The following PCDHA9 variants were observed in gnomAD, a reference collection of about 807,000 sequenced individuals.
PCDHA9 encodes protocadherin alpha-9.
PCDHA9 carries 62 observed loss-of-function variants against 62.0 expected under a neutral mutation model. That is an observed-to-expected ratio of 1.00 (90% CI 0.81 to 1.23). The LOEUF is 1.23. Among genes scored for constraint, PCDHA9 ranks in the 50% most tolerant of loss-of-function variants. The pLI is 0.00. For synonymous variants in PCDHA9, 557 were observed against 567.6 expected, an observed-to-expected ratio of 0.98 and a Z score of 0.27; for missense variants, 1,205 against 1,249.8, an observed-to-expected ratio of 0.96 and a Z score of 0.54.
rs782568790 is a variant in PCDHA9 at position 140,856,315 on chromosome 5, T to C, written c.2394+5426T>C. On this transcript the variant is annotated intron_variant, in intron 1 of 3. Transcript: ENST00000532602. ...GCATTTTGTTTGTGAATTCTCGGAT[T>C]GACCGCGAGGAGCTGTGCGGGCGGA... 131 of 1,598,516 alleles carry C rather than the reference T, an allele frequency of 8.2e-5. 15 individuals are homozygous for C. The highest frequency in any genetic ancestry group is 1.9e-4 in the Admixed American group (11 of 59,298).
At chr5:140,884,416 G>A (rs1035372416) in intron 1 of PCDHA9, 22 of 1,613,888 alleles carry the variant, frequency 1.4e-5, no homozygotes, top group Non-Finnish European at 1.7e-5. Context: ...TCACGTTGCT[G>A]CTGTATACTG....
At chr5:140,861,430 A>C in intron 1 of PCDHA9, 1 of 488,226 alleles carries the variant, frequency 2.0e-6, no homozygotes, top group Admixed American at 2.1e-5. Context: ...TTTCAGTTGG[A>C]TTCCAAAAGC....
chr5:140,865,755 A>C (rs1390578535), intron 1 of PCDHA9: 1 of 152,226 alleles, frequency 6.6e-6, no homozygotes, highest in Non-Finnish European at 1.5e-5. Flanking sequence ...GTGCCAGTAC[A>C]TGGTGGAGAT....
intron 1 of PCDHA9, chr5:140,864,749 C>T (rs544244056): frequency 6.6e-6 from 1 of 152,178 alleles, no homozygotes; most frequent in East Asian, 1.9e-4. Context: ...ACCGATTATA[C>T]TCATTTTTCT....
intron 1 of PCDHA9, chr5:140,857,033 A>G (rs1303154996): frequency 4.4e-6 from 7 of 1,595,572 alleles, no homozygotes; most frequent in South Asian, 1.1e-5. Flanking sequence ...AAACCCACCT[A>G]TGGTTGGTCA....
chr5:140,953,536 A>G (rs2094900021), intron 1 of PCDHA9, among the ~76,000 whole-genome samples: 1 of 152,124 alleles, frequency 6.6e-6, no homozygotes, highest in Non-Finnish European at 1.5e-5. Flanking sequence ...AACTCACTTC[A>G]TGCTGATTCT....
intron 3 of PCDHA9, chr5:140,989,000 GAGACTTATTAT>G (rs2097324899): frequency 6.6e-6 from 1 of 152,202 alleles, no homozygotes; most frequent in Non-Finnish European, 1.5e-5. Flanking sequence ...TAAGGAAATA[GAGACTTATTAT>G]AGTTTCTTCA....
At chr5:140,974,377 A>G (rs1356669539) in intron 1 of PCDHA9, among the ~76,000 whole-genome samples, 1 of 152,190 alleles carries the variant, frequency 6.6e-6, no homozygotes, top group Non-Finnish European at 1.5e-5. Flanking sequence ...TTTCTGTTGT[A>G]CTGGAACCCA....
In PCDHA9 at chr5:140,852,849, T is replaced by G. The variant is rs1421796229; in HGVS notation, c.2394+1960T>G. Reference sequence around the variant, plus strand: ...CAGTCTCCTTAGAGCTAGTACTTACTAAGCATTTACTATGTCATCAATAAT... The same window carrying G: ...CAGTCTCCTTAGAGCTAGTACTTACGAAGCATTTACTATGTCATCAATAAT... On this transcript the variant is annotated intron_variant, in intron 1 of 3. Transcript: ENST00000532602. 3.1e-6 allele frequency: 3 copies of G among 967,454 alleles called. 1 individual carries two copies. Among genetic ancestry groups the G allele is most frequent in the East Asian group, 1.1e-4 (1 of 8,764 alleles). 59.9% of individuals were successfully genotyped at this position (967,454 alleles called of 1,614,324 possible).
chr5:140,997,221 T>C (rs2097763900), intron 3 of PCDHA9, among the ~76,000 whole-genome samples: 1 of 152,152 alleles, frequency 6.6e-6, no homozygotes, highest in Admixed American at 6.5e-5. Context: ...GAAACTATCA[T>C]TACCACCCAA....
At chr5:140,857,656 G>A (rs1269090821) in intron 1 of PCDHA9, 4 of 1,596,690 alleles carry the variant, frequency 2.5e-6, no homozygotes, top group Admixed American at 3.4e-5. Flanking sequence ...AGGTGAGCGC[G>A]CGCGATGGGG....
At chr5:140,974,808 G>A (rs1229375180) in intron 1 of PCDHA9, among the ~76,000 whole-genome samples, 1 of 152,090 alleles carries the variant, frequency 6.6e-6, no homozygotes, top group Non-Finnish European at 1.5e-5. Context: ...TATACTAGAA[G>A]ACCAATATGC....
chr5:140,877,411 C>T (rs781874450), intron 1 of PCDHA9: 75 of 1,613,818 alleles, frequency 4.6e-5, no homozygotes, highest in Non-Finnish European at 6.0e-5. Context: ...GCGCCACCGC[C>T]TGCTGGTGCT....
rs557419543 is a variant in PCDHA9, at chr5:140,854,019, G to A, written c.2394+3130G>A. On this transcript the variant is annotated intron_variant, in intron 1 of 3. Transcript: ENST00000532602. ...CTCTGCCAAAAAAAAAAAATTAGCCGGGCATGGTGGCACACATCTCTAGTC... is the reference window on the plus strand; with the variant it reads ...CTCTGCCAAAAAAAAAAAATTAGCCAGGCATGGTGGCACACATCTCTAGTC... 8.1e-5 allele frequency: 27 copies of A among 335,108 alleles called. No homozygotes were observed. In the South Asian group the frequency reaches 3.3e-3, roughly 41 times the overall value. 20.8% of individuals were successfully genotyped at this position (335,108 alleles called of 1,614,324 possible). A position where few individuals can be genotyped will look rare whatever the true frequency, so the allele number is the denominator to read the frequency against.
At chr5:140,987,232 A>G (rs1554248942) in intron 3 of PCDHA9, among the ~76,000 whole-genome samples, 1 of 151,894 alleles carries the variant, frequency 6.6e-6, no homozygotes, top group African/African-American at 2.4e-5. Flanking sequence ...AAAAAATAAT[A>G]AATAAAGAAA....
At chr5:140,904,818 G>A (rs1186696681) in intron 1 of PCDHA9, among the ~76,000 whole-genome samples, 1 of 152,070 alleles carries the variant, frequency 6.6e-6, no homozygotes, top group Non-Finnish European at 1.5e-5. Flanking sequence ...GTGATGTTGA[G>A]CATTTTTTTA....
intron 1 of PCDHA9, among the ~76,000 whole-genome samples, chr5:140,886,605 A>C (rs998772471): frequency 2.6e-5 from 4 of 152,108 alleles, no homozygotes; most frequent in Admixed American, 6.5e-5. Flanking sequence ...AGGTGGGCGG[A>C]TCAGGAGATC....
In PCDHA9 at chr5:140,927,334, G is replaced by A. The variant is rs201745433; in HGVS notation, c.2395-51615G>A. The A allele has an allele frequency of 4.6e-5, 74 of 1,614,180 alleles. No individual in the cohort carries two copies. Among genetic ancestry groups the A allele is most frequent in the Non-Finnish European group, 5.9e-5 (70 of 1,180,032 alleles). ...CGGAGCCCGCTTTACTCTCCCGAAT[G>A]CCCAAGATGACGACGAGGGAAGCAA... On this transcript the variant is annotated intron_variant, in intron 1 of 3. Transcript: ENST00000532602.
intron 1 of PCDHA9, among the ~76,000 whole-genome samples, chr5:140,944,291 G>T (rs155813): frequency 6.6e-6 from 1 of 151,928 alleles, no homozygotes; most frequent in African/African-American, 2.4e-5. Flanking sequence ...GGGCTCAAGC[G>T]ATCCTCCTAC....
Sources: gnomAD v4.1 joint callset for allele counts (sites outside exome capture counted in the v4.1 genomes callset) on GRCh38, gnomAD v4.1.1 for gene constraint, MANE v1.5 for transcripts, NCBI Gene and HGNC (gene_info 2026-07-23, HGNC 2026-07-21) for gene names.